The following SEMA6B variants were observed in gnomAD, a reference collection of about 807,000 sequenced individuals.
SEMA6B encodes semaphorin-6B.
In SEMA6B, 47 loss-of-function variants were observed where a neutral mutation model predicts 78.6. The observed-to-expected ratio is 0.60, with a 90% CI of 0.47 to 0.76. The LOEUF (loss-of-function observed/expected upper bound fraction) is 0.76, where lower values mean the gene tolerates loss of function less well. Ranked by LOEUF, SEMA6B falls within the 30% of genes least tolerant of loss-of-function variation. The probability of loss-of-function intolerance (pLI) is 0.00; values close to 1 mark genes in which losing one functional copy is unlikely to be tolerated. For missense variants in SEMA6B, 1,213 were observed against 1,269.9 expected (o/e 0.96, Z 0.68); for synonymous variants, 632 against 592.2 (o/e 1.07, Z -0.98).
chr19:4,555,139 A>G lies in SEMA6B; in HGVS notation c.563-44T>C. On this transcript the variant is annotated intron_variant, in intron 7 of 16. Transcript: ENST00000586582. The surrounding 1 kb of genome is among the most constrained non-coding windows in gnomAD (Gnocchi z 6.1). The stretch of plus-strand genomic sequence containing the variant: ...GAAGGCAGGCAAGAGATGAGACCGC[A>G]GAGGCCAGGGGCTGGGTGGGTCGAA... 1.2e-6 allele frequency: 2 copies of G among 1,609,036 alleles called. No homozygotes were observed. Among genetic ancestry groups the G allele is most frequent in the Non-Finnish European group, 8.5e-7 (1 of 1,177,610 alleles).
At position 4,548,146 on chromosome 19, in the gene SEMA6B, T is replaced by C. The variant is rs1440032801; in HGVS notation, c.1482A>G (p.Thr494=). ...GCTCCAAGCTCAGCAGCCGCTGCCC[T>C]GTCTCGCCACCGCCGGGCCGTCCAC... is the stretch of plus-strand genomic sequence containing the variant. ...DRCGRPGGGE[T]GQRLLSLELD... Residue 494 remains threonine (T), a synonymous_variant, in exon 14 of 17, where the codon ACA becomes ACG. Coordinates refer to ENST00000586582, the MANE Select transcript of SEMA6B (RefSeq NM_032108.4). 6 of 1,592,232 alleles carry C rather than the reference T, an allele frequency of 3.8e-6. No individual in the cohort carries two copies. The East Asian group carries it at 6.8e-5, about 18-fold the overall frequency.
chr19:4,558,544 G>C lies in SEMA6B; in HGVS notation c.-32-55C>G. The C allele has an allele frequency of 8.6e-7, 1 of 1,166,124 alleles. No homozygotes were observed. Among genetic ancestry groups the C allele is most frequent in the Non-Finnish European group, 1.1e-6 (1 of 927,642 alleles). 72.2% of individuals were successfully genotyped at this position (1,166,124 alleles called of 1,614,324 possible). ...CCTGCAGTCCCGCTCGTGGCCACAA[G>C]ACGGCGGGCGAGAGCAGCAGACGCT... On this transcript the variant is annotated intron_variant, in intron 1 of 16. Coordinates refer to ENST00000586582, the MANE Select transcript of SEMA6B (RefSeq NM_032108.4). This position sits in a 1 kb window ranked among gnomAD's most constrained non-coding sequence, Gnocchi z 5.1.
Position 4,544,558 on chromosome 19 carries a change from G to C in SEMA6B, c.1739-29C>G. ...GCCGGGGAGCACAGGGGGGTTAGTGGGGCCGGCGGGGTGGCCCTGGGCATC... is the reference window on the plus strand; with the variant it reads ...GCCGGGGAGCACAGGGGGGTTAGTGCGGCCGGCGGGGTGGCCCTGGGCATC... On this transcript the variant is annotated intron_variant, in intron 16 of 16. Coordinates refer to ENST00000586582, the MANE Select transcript of SEMA6B (RefSeq NM_032108.4). The surrounding 1 kb of genome is among the most constrained non-coding windows in gnomAD (Gnocchi z 5.1). The C allele has an allele frequency of 7.1e-7, 1 of 1,405,260 alleles. No individual in the cohort carries two copies. Among genetic ancestry groups the C allele is most frequent in the Non-Finnish European group, 9.4e-7 (1 of 1,068,318 alleles). The allele number at this position is 1,405,260 out of a possible 1,614,324, so 87.0% of individuals were successfully genotyped here.
rs1977085604 is a variant in SEMA6B, at chr19:4,543,800, G to A, written c.2468C>T (p.Pro823Leu). 1.6e-6 allele frequency: 2 copies of A among 1,218,762 alleles called. No homozygotes were observed. The highest frequency in any genetic ancestry group is 2.0e-6 in the Non-Finnish European group (2 of 979,876). 75.5% of individuals were successfully genotyped at this position (1,218,762 alleles called of 1,614,324 possible). A position where few individuals can be genotyped will look rare whatever the true frequency, so the allele number is the denominator to read the frequency against. Residue 823 changes from proline to leucine, a missense_variant, in exon 17 of 17, where the codon CCG becomes CTG. Physicochemically the swap from Pro to Leu is moderately conservative, Grantham distance 98. Coordinates refer to ENST00000586582, the MANE Select transcript of SEMA6B (RefSeq NM_032108.4). ...AADGLPRPWS[P>L]PPTGSLRRPL... ...CCTCCTCAGGCTGCCCGTCGGGGGC[G>A]GGCTCCAGGGCCGCGGGAGGCCATC...
At chr19:4,548,576 G>C in intron 12 of SEMA6B, 131 bp from the exon 13 acceptor site, 1 of 832,412 alleles carries the variant, frequency 1.2e-6, no homozygotes, top group Non-Finnish European at 1.9e-6. Flanking sequence ...ATAAATGCGT[G>C]TGTGCATGGA....
rs780656708 is a variant in SEMA6B, at chr19:4,552,567, A to G, written c.844T>C (p.Trp282Arg). ...GGSPRVLEKQWTSFLKARLNC... is the reference protein window; with the variant it reads ...GGSPRVLEKQRTSFLKARLNC... ...AGCCGCGCCTTCAGGAAGGACGTCC[A>G]CTGCTTCTCCAGCACGCGGGGGGAG... Residue 282 changes from tryptophan to arginine, a missense_variant, in exon 10 of 17, where the codon TGG becomes CGG. Physicochemically the swap from Trp to Arg is moderately radical, Grantham distance 101. Transcript: ENST00000586582. The surrounding 1 kb of genome is among the most constrained non-coding windows in gnomAD (Gnocchi z 7.4). 1.2e-6 allele frequency: 2 copies of G among 1,612,890 alleles called. No homozygotes were observed. Among genetic ancestry groups the G allele is most frequent in the Non-Finnish European group, 1.7e-6 (2 of 1,179,968 alleles).
In SEMA6B at chr19:4,543,483, G is replaced by A. The variant is rs1297244428; in HGVS notation, c.*118C>T. 2.3e-6 allele frequency: 1 copy of A among 425,920 alleles called. No homozygotes were observed. Among genetic ancestry groups the A allele is most frequent in the Non-Finnish European group, 3.9e-6 (1 of 254,176 alleles). The allele number at this position is 425,920 out of a possible 1,614,324, so 26.4% of individuals were successfully genotyped here. A position where few individuals can be genotyped will look rare whatever the true frequency, so the allele number is the denominator to read the frequency against. On this transcript the variant is annotated 3_prime_UTR_variant, in exon 17 of 17. Coordinates refer to ENST00000586582, the MANE Select transcript of SEMA6B (RefSeq NM_032108.4). Reference sequence around the variant, plus strand: ...GAGGGGGCCCCCCACTCCGCGGGTGGGTCGCGGGGGGGACTTGAGCACCCA... The same window carrying A: ...GAGGGGGCCCCCCACTCCGCGGGTGAGTCGCGGGGGGGACTTGAGCACCCA...
Position 4,552,414 on chromosome 19 carries a change from G to T in SEMA6B, c.989+8C>A. On this transcript the variant is annotated splice_region_variant and intron_variant, in intron 10 of 16. Coordinates refer to ENST00000586582, the MANE Select transcript of SEMA6B (RefSeq NM_032108.4). The surrounding 1 kb of genome is among the most constrained non-coding windows in gnomAD (Gnocchi z 7.4). ...GCTCCCAGTTTGCTCCCATTGGTGG[G>T]CGCTGACCTGTTGCTGGGCGTGGAA... 1 of 1,564,932 alleles carries T rather than the reference G, an allele frequency of 6.4e-7. No individual in the cohort carries two copies. Among genetic ancestry groups the T allele is most frequent in the Non-Finnish European group, 8.7e-7 (1 of 1,154,972 alleles).
At chr19:4,554,565 G>C (rs1022702646) in intron 8 of SEMA6B, 89 bp from the exon 9 acceptor site, 37 of 1,002,808 alleles carry the variant, frequency 3.7e-5, no homozygotes, top group Non-Finnish European at 5.7e-5. Context: ...ATGGTGAAGG[G>C]GGGACATAGG....
chr19:4,543,102 C>A lies in SEMA6B; in HGVS notation c.*499G>T. The A allele has an allele frequency of 1.6e-6, 1 of 629,234 alleles. No homozygotes were observed. Among genetic ancestry groups the A allele is most frequent in the Admixed American group, 2.4e-5 (1 of 40,822 alleles). The allele number at this position is 629,234 out of a possible 1,614,324, so 39.0% of individuals were successfully genotyped here. ...GCACGCACACACACGCCCACCTCCC[C>A]GGCCCCTTGCACACGAACACGGCAC... On this transcript the variant is annotated 3_prime_UTR_variant, in exon 17 of 17. Transcript: ENST00000586582.
intron 3 of SEMA6B, among the ~76,000 whole-genome samples, chr19:4,557,667 C>G (rs1195906378): frequency 6.6e-6 from 1 of 152,186 alleles, no homozygotes; most frequent in Admixed American, 6.5e-5. Flanking sequence ...TCCCTAGAAG[C>G]CCCGTAATCT....
At chr19:4,551,294 A>G (rs1423469733) in intron 10 of SEMA6B, among the ~76,000 whole-genome samples, 1 of 148,454 alleles carries the variant, frequency 6.7e-6, no homozygotes, top group Non-Finnish European at 1.5e-5. Context: ...ATCTCAGGTC[A>G]CTGTAACCTA....
In SEMA6B at chr19:4,542,918, A is replaced by G. The variant is rs774525347; in HGVS notation, c.*683T>C. Reference sequence around the variant, plus strand: ...CCTCTGCAGAGTGGGGGGGGTTCAAACTCCTAACCGGCACCTCGGAGACCC... The same window carrying G: ...CCTCTGCAGAGTGGGGGGGGTTCAAGCTCCTAACCGGCACCTCGGAGACCC... On this transcript the variant is annotated 3_prime_UTR_variant, in exon 17 of 17. Transcript: ENST00000586582. The G allele has an allele frequency of 1.4e-6, 1 of 700,450 alleles. No individual in the cohort carries two copies. Among genetic ancestry groups the G allele is most frequent in the African/African-American group, 1.8e-5 (1 of 56,932 alleles). The allele number at this position is 700,450 out of a possible 1,614,324, so 43.4% of individuals were successfully genotyped here. A position where few individuals can be genotyped will look rare whatever the true frequency, so the allele number is the denominator to read the frequency against.
rs1444285536 is a variant in SEMA6B, at chr19:4,543,164, G to T, written c.*437C>A. On this transcript the variant is annotated 3_prime_UTR_variant, in exon 17 of 17. Transcript: ENST00000586582. The stretch of plus-strand genomic sequence containing the variant: ...CACACCCACACACGCCAGGGGCCTG[G>T]GTTGGGGAGGGACCTTTCCAGGGGT... 1.7e-5 allele frequency: 10 copies of T among 599,342 alleles called. No individual in the cohort carries two copies. The South Asian group carries it at 1.8e-4, about 11-fold the overall frequency. The allele number at this position is 599,342 out of a possible 1,614,324, so 37.1% of individuals were successfully genotyped here.
Position 4,543,326 on chromosome 19 carries a change from A to G in SEMA6B, c.*275T>C. The G allele has an allele frequency of 4.4e-6, 2 of 457,994 alleles. No homozygotes were observed. The highest frequency in any genetic ancestry group is 6.7e-5 in the East Asian group (2 of 29,898). 28.4% of individuals were successfully genotyped at this position (457,994 alleles called of 1,614,324 possible). A position where few individuals can be genotyped will look rare whatever the true frequency, so the allele number is the denominator to read the frequency against. On this transcript the variant is annotated 3_prime_UTR_variant, in exon 17 of 17. Coordinates refer to ENST00000586582, the MANE Select transcript of SEMA6B (RefSeq NM_032108.4). Reference sequence around the variant, plus strand: ...AAAAGAAACCAAAACTGCAAAAAAAACCAAAACCTACGCGCATAAGGTCAA... The same window carrying G: ...AAAAGAAACCAAAACTGCAAAAAAAGCCAAAACCTACGCGCATAAGGTCAA...
At position 4,543,670 on chromosome 19, in the gene SEMA6B, C is replaced by G. The variant is rs1419482997; in HGVS notation, c.2598G>C (p.Arg866=). The G allele has an allele frequency of 3.2e-6, 4 of 1,230,814 alleles. No individual in the cohort carries two copies. The highest frequency in any genetic ancestry group is 6.3e-5 in the East Asian group (2 of 31,690). 76.2% of individuals were successfully genotyped at this position (1,230,814 alleles called of 1,614,324 possible). A position where few individuals can be genotyped will look rare whatever the true frequency, so the allele number is the denominator to read the frequency against. Residue 866 remains arginine, a synonymous_variant, in exon 17 of 17, where the codon CGG becomes CGC. Coordinates refer to ENST00000586582, the MANE Select transcript of SEMA6B (RefSeq NM_032108.4). The stretch of plus-strand genomic sequence containing the variant: ...GGAGGTGGGCCAAGTCTGTGCCCGG[C>G]CGGGCGTGGCAGCCGCGGTGGCGGT... ...PGDRHRGCHA[R]PGTDLAHLLP...
rs1977222528 is a variant in SEMA6B, at chr19:4,548,198, CTG to C, written c.1455-27_1455-26del. On this transcript the variant is annotated intron_variant, in intron 13 of 16. Coordinates refer to ENST00000586582, the MANE Select transcript of SEMA6B (RefSeq NM_032108.4). Reference sequence around the variant, plus strand: ...CCTGGGGACAAGCAGAGTGGTGAGGCTGAGCGCATCTCAGCCCATCTCCCCTC... The same window carrying C: ...CCTGGGGACAAGCAGAGTGGTGAGGCAGCGCATCTCAGCCCATCTCCCCTC... 3 of 1,588,582 alleles carry C rather than the reference CTG, an allele frequency of 1.9e-6. No homozygotes were observed. In the South Asian group the frequency reaches 3.3e-5, roughly 18 times the overall value.
At position 4,558,095 on chromosome 19, in the gene SEMA6B, G is replaced by A. The variant is rs201782291; in HGVS notation, c.176C>T (p.Ala59Val). 31 of 1,537,504 alleles carry A rather than the reference G, an allele frequency of 2.0e-5. No individual in the cohort carries two copies. In the East Asian group the frequency reaches 7.0e-4, roughly 35 times the overall value. The part of the protein sequence containing the change: ...VGSGPGRLTP[A>V]EGADDLNIQR... Reference sequence around the variant, plus strand: ...GATGTTGAGGTCGTCAGCACCTTCTGCGGGGGTCAGGCGTCCGGGCCCGCT... The same window carrying A: ...GATGTTGAGGTCGTCAGCACCTTCTACGGGGGTCAGGCGTCCGGGCCCGCT... The change falls in exon 3 of 17, where the codon GCA (alanine) becomes GTA (valine). Residue 59 changes from alanine to valine, a missense_variant. Ala to Val is a moderately conservative substitution (Grantham distance 64, BLOSUM62 0). Coordinates refer to ENST00000586582, the MANE Select transcript of SEMA6B (RefSeq NM_032108.4). This position sits in a 1 kb window ranked among gnomAD's most constrained non-coding sequence, Gnocchi z 5.1.
intron 10 of SEMA6B, 125 bp from the exon 11 acceptor site, chr19:4,551,055 CCT>C: frequency 8.6e-6 from 9 of 1,043,566 alleles, no homozygotes; most frequent in Non-Finnish European, 8.5e-6. Flanking sequence ...AGAGATGTCC[CCT>C]GTCCCTCCCG....
Sources: allele counts gnomAD v4.1 joint callset (sites outside exome capture counted in the v4.1 genomes callset), GRCh38; gene constraint gnomAD v4.1.1; non-coding constraint Gnocchi (gnomAD v3.1); transcripts MANE v1.5; gene names NCBI Gene and HGNC (gene_info 2026-07-23, HGNC 2026-07-21).